Variants in DPP4 observed in about 807,000 individuals in gnomAD.
DPP4 encodes ADCP-2.
In DPP4, 93 loss-of-function variants were observed where a neutral mutation model predicts 122.4. The observed-to-expected ratio is 0.76, with a 90% CI of 0.64 to 0.90. DPP4 has a LOEUF of 0.90. DPP4 is among the 40% of genes least tolerant of loss of function. The probability of loss-of-function intolerance (pLI) is 0.00; values close to 1 mark genes in which losing one functional copy is unlikely to be tolerated. For missense variants in DPP4, 914 were observed against 907.3 expected (o/e 1.01, Z -0.09); for synonymous variants, 321 against 302.9 (o/e 1.06, Z -0.62).
chr2:162,033,097 C>T (rs1279268145), intron 10 of DPP4, among the ~76,000 whole-genome samples: 1 of 152,168 alleles, frequency 6.6e-6, no homozygotes, highest in Non-Finnish European at 1.5e-5. Context: ...CTTCCTCTGC[C>T]CCCTGCTATT....
chr2:162,028,864 A>G (rs890193098), intron 10 of DPP4, among the ~76,000 whole-genome samples: 12 of 152,304 alleles, frequency 7.9e-5, no homozygotes, highest in Admixed American at 2.0e-4. Context: ...TAACTTGCCC[A>G]CTATCGCCCA....
chr2:162,073,421 G>C lies in DPP4; in HGVS notation c.72C>G (p.Pro24=), dbSNP rs200521252. The C allele has an allele frequency of 4.8e-5, 78 of 1,613,906 alleles. No individual in the cohort carries two copies. Among genetic ancestry groups the C allele is most frequent in the Non-Finnish European group, 5.9e-5 (70 of 1,180,036 alleles). ...TACTGCCTTTGTTCAGCAGAACCAC[G>C]GGCACGGTGATGATGGTGACAAGCG... ...AAALVTIITV[P]VVLLNKGTDD... Residue 24 remains proline, a synonymous_variant, in exon 2 of 26, where the codon CCC becomes CCG. Coordinates refer to ENST00000360534, the MANE Select transcript of DPP4 (RefSeq NM_001935.4).
chr2:162,055,492 T>A (rs1403395878), intron 2 of DPP4, among the ~76,000 whole-genome samples: 1 of 151,636 alleles, frequency 6.6e-6, no homozygotes, highest in Non-Finnish European at 1.5e-5. Flanking sequence ...AGCTCAGGAG[T>A]TCGAGACCAG....
chr2:162,028,066 A>C (rs890345723), intron 10 of DPP4, among the ~76,000 whole-genome samples: 2 of 151,410 alleles, frequency 1.3e-5, no homozygotes, highest in Non-Finnish European at 2.9e-5. Context: ...TTAAAAAAAA[A>C]AAAAACAAAA....
At position 161,995,359 on chromosome 2, in the gene DPP4, A is replaced by C. The variant is rs1287347121; in HGVS notation, c.2066T>G (p.Met689Arg). 2 of 1,613,880 alleles carry C rather than the reference A, an allele frequency of 1.2e-6. No individual in the cohort carries two copies. The highest frequency in any genetic ancestry group is 1.7e-5 in the Admixed American group (1 of 60,028). Residue 689 changes from methionine (M) to arginine (R), a missense_variant, in exon 24 of 26, where the codon ATG (methionine) becomes AGG (arginine). Met to Arg is a moderately conservative substitution (Grantham distance 91). Coordinates refer to ENST00000360534, the MANE Select transcript of DPP4 (RefSeq NM_001935.4). ...TTGTTTAAAATTTTCAGCTCTGCTC[A>C]TGACTGTTGAATTCTGGAATTGGGA... ...NLDHYRNSTVMSRAENFKQVE... is the reference protein window; with the variant it reads ...NLDHYRNSTVRSRAENFKQVE...
Position 162,035,238 on chromosome 2 carries a change from G to C in DPP4, c.700C>G (p.Pro234Ala), listed in dbSNP as rs140092320. 1.1e-5 allele frequency: 18 copies of C among 1,613,972 alleles called. No individual in the cohort carries two copies. In the African/African-American group the frequency reaches 2.4e-4, roughly 22 times the overall value. Residue 234 changes from proline to alanine, a missense_variant, in exon 9 of 26, where the codon CCA becomes GCA. Coordinates refer to ENST00000360534, the MANE Select transcript of DPP4 (RefSeq NM_001935.4). ...GAGTAGAAGGAGTATTCAATAAGTGGGACTTCTGTGTCGTTAAATTGGGCA... is the reference window on the plus strand; with the variant it reads ...GAGTAGAAGGAGTATTCAATAAGTGCGACTTCTGTGTCGTTAAATTGGGCA... ...AYAQFNDTEV[P>A]LIEYSFYSDE...
chr2:162,011,709 A>T, intron 20 of DPP4, 84 bp downstream of exon 20: 1 of 1,384,254 alleles, frequency 7.2e-7, no homozygotes, highest in East Asian at 2.3e-5. Flanking sequence ...ACTTTAAATT[A>T]TTTACACTTT....
chr2:162,062,545 G>C (rs1684810413), intron 2 of DPP4, among the ~76,000 whole-genome samples: 1 of 152,198 alleles, frequency 6.6e-6, no homozygotes, highest in African/African-American at 2.4e-5. Flanking sequence ...GGCTCACACA[G>C]GTTGTTGGCA....
intron 25 of DPP4, among the ~76,000 whole-genome samples, chr2:161,994,125 TA>T (rs1429295179): frequency 1.3e-5 from 2 of 152,174 alleles, no homozygotes; most frequent in Non-Finnish European, 2.9e-5. Context: ...AAGTTAACTT[TA>T]AAAAAAGCTT....
At chr2:162,015,744 G>A (rs189300755) in intron 18 of DPP4, among the ~76,000 whole-genome samples, 30 of 152,138 alleles carry the variant, frequency 2.0e-4, no homozygotes, top group South Asian at 6.2e-4. Context: ...TGTGGCTTCC[G>A]TGACCCTAAA....
chr2:162,022,034 A>G (rs1320543823), intron 12 of DPP4, among the ~76,000 whole-genome samples: 1 of 152,192 alleles, frequency 6.6e-6, no homozygotes, highest in East Asian at 1.9e-4. Flanking sequence ...TCCCTCTTAA[A>G]GGGGGCTTAA....
chr2:162,031,063 G>C (rs1683533807), intron 10 of DPP4, among the ~76,000 whole-genome samples: 1 of 152,242 alleles, frequency 6.6e-6, no homozygotes, highest in South Asian at 2.1e-4. Context: ...AGAGCACTGA[G>C]CACAGTCCCA....
intron 10 of DPP4, among the ~76,000 whole-genome samples, chr2:162,030,849 A>G (rs1017629447): frequency 6.6e-6 from 1 of 152,376 alleles, no homozygotes; most frequent in South Asian, 2.1e-4. Context: ...TACATTCCAC[A>G]CAAAATCTCC....
intron 2 of DPP4, among the ~76,000 whole-genome samples, chr2:162,071,113 C>A (rs745493278): frequency 1.3e-4 from 20 of 152,132 alleles, no homozygotes; most frequent in Non-Finnish European, 2.8e-4. Flanking sequence ...ACTGTCATGG[C>A]CAACAGTTCA....
intron 2 of DPP4, among the ~76,000 whole-genome samples, chr2:162,068,057 C>T (rs1395555037): frequency 5.3e-5 from 8 of 152,136 alleles, no homozygotes; most frequent in Non-Finnish European, 1.2e-4. Flanking sequence ...ATGTAACTTA[C>T]ATCAGAAGCA....
intron 10 of DPP4, among the ~76,000 whole-genome samples, chr2:162,027,370 AC>A (rs1005818216): frequency 1.1e-4 from 17 of 151,918 alleles, no homozygotes; most frequent in Admixed American, 2.0e-4. Flanking sequence ...AAAAGTAAAA[AC>A]CATTCTTACT....
chr2:162,002,425 G>C (rs1050873893), intron 23 of DPP4, among the ~76,000 whole-genome samples: 1 of 152,098 alleles, frequency 6.6e-6, no homozygotes, highest in South Asian at 2.1e-4. Flanking sequence ...AAATAGCCAC[G>C]TATCAGTGGC....
intron 2 of DPP4, 93 bp downstream of exon 2, chr2:162,073,306 C>T: frequency 1.5e-6 from 2 of 1,324,436 alleles, no homozygotes; most frequent in Non-Finnish European, 2.2e-6. Flanking sequence ...CTGGTCCAAC[C>T]CCACGCAAAA....
intron 24 of DPP4, 38 bp downstream of exon 24, chr2:161,995,262 G>A: frequency 6.3e-7 from 1 of 1,576,658 alleles, no homozygotes; most frequent in Non-Finnish European, 8.7e-7. Context: ...TTGCAAACCT[G>A]TCTGTGATAC....
Sources: gnomAD v4.1 joint callset for allele counts (sites outside exome capture counted in the v4.1 genomes callset) on GRCh38, gnomAD v4.1.1 for gene constraint, MANE v1.5 for transcripts, NCBI Gene and HGNC (gene_info 2026-07-23, HGNC 2026-07-21) for gene names.